Variants in LOXHD1 observed in about 807,000 individuals in gnomAD.
LOXHD1 encodes lipoxygenase homology domain-containing protein 1.
A neutral mutation model predicts 248.2 loss-of-function variants in LOXHD1; 205 were observed. That is an observed-to-expected ratio of 0.83 (90% CI 0.74 to 0.93). LOXHD1 has a LOEUF of 0.93. Among genes scored for constraint, LOXHD1 ranks in the 40% least tolerant of loss-of-function variants. LOXHD1 has a pLI of 0.00. For missense variants in LOXHD1, 2,930 were observed against 2,971.6 expected, an observed-to-expected ratio of 0.99 and a Z score of 0.33; for synonymous variants, 1,113 against 1,162.8, an observed-to-expected ratio of 0.96 and a Z score of 0.87.
chr18:46,596,207 TCTGGACTAGGTAGTC>T (rs1266600623), intron 8 of LOXHD1, among the ~76,000 whole-genome samples: 3 of 75,144 alleles, frequency 4.0e-5, no homozygotes, highest in African/African-American at 1.0e-4. Flanking sequence ...AATGTTTGCT[TCTGGACTAGGTAGTC>T]CAGAACTAGG....
At chr18:46,490,218 C>T (rs946758986) in intron 37 of LOXHD1, among the ~76,000 whole-genome samples, 1 of 152,128 alleles carries the variant, frequency 6.6e-6, no homozygotes, top group Non-Finnish European at 1.5e-5. Flanking sequence ...ATTATATGTC[C>T]GCAAGGAAAC....
intron 37 of LOXHD1, among the ~76,000 whole-genome samples, chr18:46,491,921 G>A (rs772182596): frequency 7.9e-5 from 12 of 152,112 alleles, no homozygotes; most frequent in Non-Finnish European, 1.3e-4. Context: ...CCTTTCCCCC[G>A]TCCTCTCAAA....
At chr18:46,503,900 A>T (rs2034396715) in intron 37 of LOXHD1, among the ~76,000 whole-genome samples, 1 of 152,112 alleles carries the variant, frequency 6.6e-6, no homozygotes, top group Non-Finnish European at 1.5e-5. Flanking sequence ...GTGGCTGGCA[A>T]GATGGGCCGG....
At chr18:46,612,465 TG>T (rs1205395002) in intron 5 of LOXHD1, among the ~76,000 whole-genome samples, 1 of 152,196 alleles carries the variant, frequency 6.6e-6, no homozygotes. Flanking sequence ...CCTGCTTATT[TG>T]GGGAGATTGA....
intron 37 of LOXHD1, among the ~76,000 whole-genome samples, chr18:46,491,973 A>T (rs2033514801): frequency 6.6e-6 from 1 of 152,214 alleles, no homozygotes; most frequent in Non-Finnish European, 1.5e-5. Context: ...TCAAATTAGA[A>T]TTCCTCAGAG....
At chr18:46,547,765 C>G (rs2036913045) in intron 21 of LOXHD1, among the ~76,000 whole-genome samples, 1 of 152,172 alleles carries the variant, frequency 6.6e-6, no homozygotes, top group African/African-American at 2.4e-5. Flanking sequence ...GTCCTTATCT[C>G]TCTGTGCTAG....
chr18:46,615,432 G>A (rs751531259), intron 5 of LOXHD1, among the ~76,000 whole-genome samples: 1 of 152,142 alleles, frequency 6.6e-6, no homozygotes, highest in Non-Finnish European at 1.5e-5. Context: ...GGTGGTGGTG[G>A]TGATGATGAT....
Position 46,550,530 on chromosome 18 carries a change from G to A in LOXHD1, c.3351-3472C>T, listed in dbSNP as rs1457507397. Among the ~76,000 whole-genome samples the A allele has an allele frequency of 3.8e-5, 5 of 132,564 alleles. No homozygotes were observed. The East Asian group carries it at 7.0e-4, about 19-fold the overall frequency. 87.0% of individuals were successfully genotyped at this position (132,564 alleles called of 152,430 possible). ...GGAGCTTGCAGTGAGCCGAGATTGC[G>A]CCACTGCAGTCCGCAGTCCGGCCTG... On this transcript the variant is annotated intron_variant, in intron 21 of 40. Transcript: ENST00000642948.
At chr18:46,481,597 C>T (rs1480251663) in intron 40 of LOXHD1, among the ~76,000 whole-genome samples, 5 of 152,194 alleles carry the variant, frequency 3.3e-5, no homozygotes, top group Non-Finnish European at 5.9e-5. Flanking sequence ...CAGGTGACAG[C>T]GCTAGTATCC....
intron 17 of LOXHD1, 145 bp from the exon 18 acceptor site, chr18:46,563,370 T>C (rs906245140): frequency 4.0e-6 from 3 of 758,760 alleles, no homozygotes; most frequent in Non-Finnish European, 5.8e-6. Flanking sequence ...CTCAACACCC[T>C]GAGTAAGCAC....
At position 46,546,920 on chromosome 18, in the gene LOXHD1, G is replaced by A. The variant is rs1447480534; in HGVS notation, c.3489C>T (p.Leu1163=). ...EGRGGGDNNP[L]DNLALEQKDK... The stretch of plus-strand genomic sequence containing the variant: ...CTTTCTGCTCCAGGGCCAGGTTGTC[G>A]AGGGGGTTGTTGTCACCGCCTCCCC... Residue 1163 remains leucine, a synonymous_variant, in exon 22 of 41, where the codon CTC becomes CTT. Coordinates refer to ENST00000642948, the MANE Select transcript of LOXHD1 (RefSeq NM_001384474.1). The A allele has an allele frequency of 2.8e-5, 44 of 1,551,066 alleles. No individual in the cohort carries two copies. The highest frequency in any genetic ancestry group is 1.3e-4 in the South Asian group (11 of 84,058).
chr18:46,580,361 G>C (rs1437588269), intron 12 of LOXHD1, among the ~76,000 whole-genome samples: 1 of 152,184 alleles, frequency 6.6e-6, no homozygotes, highest in Non-Finnish European at 1.5e-5. Flanking sequence ...CTTCTCTTCA[G>C]AACTCCCACT....
At chr18:46,550,991 A>C (rs1227421378) in intron 21 of LOXHD1, among the ~76,000 whole-genome samples, 1 of 152,214 alleles carries the variant, frequency 6.6e-6, no homozygotes, top group Non-Finnish European at 1.5e-5. Context: ...CTGGCATACA[A>C]GGCACTCATA....
Position 46,560,397 on chromosome 18 carries a change from T to C in LOXHD1, c.2747A>G (p.Lys916Arg). The change falls in exon 19 of 41, where the codon AAG (lysine) becomes AGG (arginine). Residue 916 changes from lysine (K) to arginine (R), a missense_variant. Coordinates refer to ENST00000642948, the MANE Select transcript of LOXHD1 (RefSeq NM_001384474.1). ...CCGCAGCTTGTCCTTCTCCTTCTTCTTCCGGGCCTCCTCCTCCGGCGTGAG... is the reference window on the plus strand; with the variant it reads ...CCGCAGCTTGTCCTTCTCCTTCTTCCTCCGGGCCTCCTCCTCCGGCGTGAG... The part of the protein sequence containing the change: ...VDLTPEEEAR[K>R]KKEKDKLRQL... 6.4e-7 allele frequency: 1 copy of C among 1,551,406 alleles called. No individual in the cohort carries two copies. The highest frequency in any genetic ancestry group is 8.7e-7 in the Non-Finnish European group (1 of 1,147,860).
intron 4 of LOXHD1, among the ~76,000 whole-genome samples, chr18:46,628,909 T>G (rs1351512641): frequency 6.6e-6 from 1 of 152,190 alleles, no homozygotes; most frequent in Non-Finnish European, 1.5e-5. Context: ...CTAGCATAAG[T>G]GGCAGAATGG....
chr18:46,622,369 C>T (rs2144337087), intron 4 of LOXHD1, among the ~76,000 whole-genome samples: 1 of 152,224 alleles, frequency 6.6e-6, no homozygotes, highest in South Asian at 2.1e-4. Context: ...TTATGTGTCC[C>T]AAAATATTAC....
intron 34 of LOXHD1, among the ~76,000 whole-genome samples, chr18:46,511,920 G>T (rs2034986730): frequency 6.6e-6 from 1 of 152,112 alleles, no homozygotes; most frequent in African/African-American, 2.4e-5. Flanking sequence ...AATCACCTTT[G>T]AAAAAATTAT....
At chr18:46,621,185 G>T (rs2038663800) in intron 4 of LOXHD1, among the ~76,000 whole-genome samples, 1 of 152,176 alleles carries the variant, frequency 6.6e-6, no homozygotes, top group Admixed American at 6.5e-5. Context: ...TATGCAGTTG[G>T]CTGGGTGGAG....
chr18:46,654,880 C>T (rs1292096472), intron 1 of LOXHD1, among the ~76,000 whole-genome samples: 1 of 152,210 alleles, frequency 6.6e-6, no homozygotes. Flanking sequence ...TTGCTCTTCT[C>T]CAGCTATTTT....
Sources: allele counts gnomAD v4.1 joint callset (sites outside exome capture counted in the v4.1 genomes callset), GRCh38; gene constraint gnomAD v4.1.1; transcripts MANE v1.5; gene names NCBI Gene and HGNC (gene_info 2026-07-23, HGNC 2026-07-21).